GNG7: variants seen among roughly 807,000 people sequenced by gnomAD.
The protein encoded by GNG7 is G protein subunit gamma 7, also known as guanine nucleotide-binding protein G(I)/G(S)/G(O) subunit gamma-7.
In GNG7, 1 loss-of-function variant was observed where a neutral mutation model predicts 4.0. The ratio of observed to expected loss-of-function variants is 0.25; its 90% CI spans 0.09 to 1.18. The LOEUF (loss-of-function observed/expected upper bound fraction) is 1.18. Ranked by LOEUF, GNG7 falls within the 50% of genes most tolerant of loss-of-function variation. The probability of loss-of-function intolerance (pLI) is 0.50; values close to 1 mark genes in which losing one functional copy is unlikely to be tolerated. For missense variants in GNG7, 86 were observed against 91.9 expected, an observed-to-expected ratio of 0.94 and a Z score of 0.26; for synonymous variants, 34 against 36.9, an observed-to-expected ratio of 0.92 and a Z score of 0.29.
intron 3 of GNG7, among the ~76,000 whole-genome samples, chr19:2,537,557 G>C (rs1274271627): frequency 1.3e-5 from 2 of 152,178 alleles, no homozygotes; most frequent in Admixed American, 6.6e-5. Flanking sequence ...ATCTGATATA[G>C]AATATAGAAT....
chr19:2,538,380 T>C (rs1000506955), intron 3 of GNG7: 3 of 422,908 alleles, frequency 7.1e-6, no homozygotes, highest in Non-Finnish European at 1.4e-5. Flanking sequence ...CCTACCACTT[T>C]GGGAGGCCAA....
chr19:2,631,056 AT>A (rs1193692310), intron 2 of GNG7, among the ~76,000 whole-genome samples: 1 of 152,152 alleles, frequency 6.6e-6, no homozygotes, highest in Non-Finnish European at 1.5e-5. Context: ...ACATTATCTG[AT>A]TGTCTCAACA....
chr19:2,694,119 T>A lies in GNG7; in HGVS notation c.-135+8527A>T, dbSNP rs1251580572. On this transcript the variant is annotated intron_variant, in intron 1 of 4. Coordinates refer to ENST00000382159, the MANE Select transcript of GNG7 (RefSeq NM_052847.3). ...CTCTGGGGTTGGGCTACATTTGAGA[T>A]TGTAAGGCTGGGTAAGCACAGGGGA... 2.0e-5 allele frequency among the ~76,000 whole-genome samples: 3 copies of A among 151,950 alleles called. No individual in the cohort carries two copies. In the East Asian group the frequency reaches 5.8e-4, roughly 29 times the overall value.
chr19:2,641,100 T>C (rs896462452), intron 2 of GNG7, among the ~76,000 whole-genome samples: 4 of 152,222 alleles, frequency 2.6e-5, no homozygotes, highest in Non-Finnish European at 4.4e-5. Context: ...GTCCCGCAGC[T>C]GACCCTCAGT....
At chr19:2,644,330 TA>T (rs1982601988) in intron 2 of GNG7, among the ~76,000 whole-genome samples, 1 of 2,956 alleles carries the variant, frequency 3.4e-4, no homozygotes, top group African/African-American at 1.3e-3. Flanking sequence ...CTACACTTTA[TA>T]TATATATATA....
At chr19:2,562,519 T>C (rs1979774875) in intron 2 of GNG7, among the ~76,000 whole-genome samples, 1 of 152,090 alleles carries the variant, frequency 6.6e-6, no homozygotes, top group Non-Finnish European at 1.5e-5. Context: ...TCACTTTCAA[T>C]ACCTACAACA....
chr19:2,525,616 A>T (rs1359395945), intron 3 of GNG7, among the ~76,000 whole-genome samples: 1 of 152,154 alleles, frequency 6.6e-6, no homozygotes, highest in Non-Finnish European at 1.5e-5. Flanking sequence ...ACAAAACCGC[A>T]GGACAGGAGC....
intron 2 of GNG7, among the ~76,000 whole-genome samples, chr19:2,596,590 G>A (rs369638769): frequency 8.6e-5 from 13 of 151,932 alleles, no homozygotes; most frequent in African/African-American, 3.1e-4. Context: ...GATCGCTTGA[G>A]TCCAAGAGGT....
intron 3 of GNG7, among the ~76,000 whole-genome samples, chr19:2,550,051 T>C (rs1052248110): frequency 6.6e-6 from 1 of 152,082 alleles, no homozygotes; most frequent in African/African-American, 2.4e-5. Flanking sequence ...CCGCTCTCAG[T>C]GGAAAAGGGA....
chr19:2,651,482 TCTTA>T (rs1398996860), intron 1 of GNG7, among the ~76,000 whole-genome samples: 3 of 144,588 alleles, frequency 2.1e-5, no homozygotes, highest in East Asian at 4.1e-4. Flanking sequence ...TCTTTCTCTC[TCTTA>T]CTCTCTTTCT....
chr19:2,517,972 G>A (rs993981746), intron 4 of GNG7, among the ~76,000 whole-genome samples: 7 of 152,280 alleles, frequency 4.6e-5, no homozygotes, highest in East Asian at 1.9e-4. Context: ...CGCCGGCTGC[G>A]GCCTGTGATG....
At chr19:2,547,911 C>A (rs1307543068) in intron 3 of GNG7, among the ~76,000 whole-genome samples, 1 of 152,204 alleles carries the variant, frequency 6.6e-6, no homozygotes, top group East Asian at 1.9e-4. Flanking sequence ...TAGGCCCACC[C>A]CTCTGGGCTC....
At chr19:2,662,259 CA>C (rs5826780) in intron 1 of GNG7, among the ~76,000 whole-genome samples, 3,036 of 73,596 alleles carry the variant, frequency 0.041, 60 homozygotes, top group African/African-American at 0.11. Context: ...GACTCCATCT[CA>C]AAAAAAAAAA....
At chr19:2,692,206 G>C (rs776777971) in intron 1 of GNG7, among the ~76,000 whole-genome samples, 2 of 151,642 alleles carry the variant, frequency 1.3e-5, no homozygotes, top group Non-Finnish European at 2.9e-5. Flanking sequence ...CTTACTTTCC[G>C]ACCACATTGA....
chr19:2,662,112 T>C (rs998019976), intron 1 of GNG7, among the ~76,000 whole-genome samples: 1 of 151,840 alleles, frequency 6.6e-6, no homozygotes, highest in African/African-American at 2.4e-5. Flanking sequence ...ATACAAAAAT[T>C]AGCCAGGCGT....
intron 3 of GNG7, among the ~76,000 whole-genome samples, chr19:2,522,612 C>A (rs1044250105): frequency 6.6e-6 from 1 of 151,256 alleles, no homozygotes; most frequent in Non-Finnish European, 1.5e-5. Context: ...GTCTCCCGGG[C>A]GTGGTGGCGG....
intron 3 of GNG7, among the ~76,000 whole-genome samples, chr19:2,532,586 TA>T (rs754881585): frequency 1.3e-5 from 2 of 152,142 alleles, no homozygotes; most frequent in Non-Finnish European, 2.9e-5. Context: ...AATAACTTTC[TA>T]AAACTGATAA....
chr19:2,579,927 G>A (rs889207591), intron 2 of GNG7, among the ~76,000 whole-genome samples: 2 of 152,204 alleles, frequency 1.3e-5, no homozygotes, highest in African/African-American at 4.8e-5. Flanking sequence ...TCCCTCCAGA[G>A]GTTCCAGGGG....
rs558935777 is a variant in GNG7 at position 2,633,038 on chromosome 19, G to A, written c.-78+13186C>T. On this transcript the variant is annotated intron_variant, in intron 2 of 4. Coordinates refer to ENST00000382159, the MANE Select transcript of GNG7 (RefSeq NM_052847.3). The surrounding 1 kb of genome is among the most constrained non-coding windows in gnomAD (Gnocchi z 5.9). The stretch of plus-strand genomic sequence containing the variant: ...ACAGACCCCACCTTGGGCCTCCCCA[G>A]GCTGCACCTTAACCATCTATGACAC... Among the ~76,000 whole-genome samples, 2 of 152,190 alleles carry A rather than the reference G, an allele frequency of 1.3e-5. No individual in the cohort carries two copies. Among genetic ancestry groups the A allele is most frequent in the South Asian group, 4.1e-4 (2 of 4,832 alleles).
Sources: gnomAD v4.1 joint callset for allele counts (sites outside exome capture counted in the v4.1 genomes callset) on GRCh38, gnomAD v4.1.1 for gene constraint, Gnocchi (gnomAD v3.1) non-coding constraint, MANE v1.5 for transcripts, NCBI Gene and HGNC (gene_info 2026-07-23, HGNC 2026-07-21) for gene names.